PLSCR4: variants seen among roughly 807,000 people sequenced by gnomAD.
PLSCR4 encodes phospholipid scramblase 4, also known as Ca(2+)-dependent phospholipid scramblase 4.
Under a neutral mutation model 36.3 loss-of-function variants are expected in PLSCR4, and 25 were observed. That is an observed-to-expected ratio of 0.69 (90% CI 0.50 to 0.96). The LOEUF (loss-of-function observed/expected upper bound fraction) is 0.96. Among genes scored for constraint, PLSCR4 ranks in the 40% least tolerant of loss-of-function variants. PLSCR4 has a pLI of 0.00. For missense variants in PLSCR4, 408 were observed against 414.7 expected, an observed-to-expected ratio of 0.98 and a Z score of 0.14; for synonymous variants, 122 against 132.9, an observed-to-expected ratio of 0.92 and a Z score of 0.56.
At chr3:146,199,355 A>G (rs1453020096) in intron 6 of PLSCR4, among the ~76,000 whole-genome samples, 1 of 152,160 alleles carries the variant, frequency 6.6e-6, no homozygotes, top group Non-Finnish European at 1.5e-5. Context: ...AGCCAAATGT[A>G]ACACCTCAGC....
chr3:146,220,308 G>A (rs1255459652), intron 3 of PLSCR4, among the ~76,000 whole-genome samples: 1 of 152,116 alleles, frequency 6.6e-6, no homozygotes, highest in East Asian at 1.9e-4. Flanking sequence ...AGAAAGATAA[G>A]CTCCTTAATC....
At position 146,232,223 on chromosome 3, in the gene PLSCR4, A is replaced by G. The variant is rs145056659; in HGVS notation, c.-21-10131T>C. Among the ~76,000 whole-genome samples, 1,124 of 152,254 alleles carry G rather than the reference A, an allele frequency of 7.4e-3. 18 individuals are homozygous for G. The highest frequency in any genetic ancestry group is 0.026 in the African/African-American group (1,062 of 41,566). The stretch of plus-strand genomic sequence containing the variant: ...ATATGTCTGTTTTTGTACTAGAACC[A>G]TGTTGTTTTAGTTACTGTGGCTTTA... On this transcript the variant is annotated intron_variant, in intron 1 of 8. Transcript: ENST00000354952.
chr3:146,228,433 T>A (rs913221498), intron 1 of PLSCR4, among the ~76,000 whole-genome samples: 7 of 151,986 alleles, frequency 4.6e-5, no homozygotes, highest in Non-Finnish European at 7.4e-5. Flanking sequence ...TGGGATTTCA[T>A]GAGCATTGTT....
At chr3:146,220,758 T>C (rs1288357005) in intron 3 of PLSCR4, 57 bp downstream of exon 3, 29 of 1,079,992 alleles carry the variant, frequency 2.7e-5, no homozygotes, top group Non-Finnish European at 3.9e-5. Context: ...AAAGCAATTT[T>C]AATCATTAGT....
chr3:146,239,519 C>CAA (rs34713180), intron 1 of PLSCR4, among the ~76,000 whole-genome samples: 13 of 110,580 alleles, frequency 1.2e-4, no homozygotes, highest in South Asian at 3.0e-4. Context: ...CATCCACATA[C>CAA]AAAAAAAAAA....
rs568913780 is a variant in PLSCR4, at chr3:146,251,059, G to A, written c.-121C>T. The stretch of plus-strand genomic sequence containing the variant: ...AGGAAAGGAGGCAGGGAAGGGAGAC[G>A]GAGAGGATTTTTCAAGTTATAAACA... On this transcript the variant is annotated 5_prime_UTR_variant, in exon 1 of 9. Transcript: ENST00000354952. The A allele has an allele frequency of 6.5e-6, 1 of 152,716 alleles. No homozygotes were observed. The highest frequency in any genetic ancestry group is 2.4e-5 in the African/African-American group (1 of 41,450). The allele number at this position is 152,716 out of a possible 1,614,324, so 9.5% of individuals were successfully genotyped here.
At chr3:146,239,652 G>A (rs2036065079) in intron 1 of PLSCR4, among the ~76,000 whole-genome samples, 1 of 152,164 alleles carries the variant, frequency 6.6e-6, no homozygotes, top group Admixed American at 6.5e-5. Flanking sequence ...GGGAGGCCAA[G>A]GCAGGAGAAT....
intron 2 of PLSCR4, 101 bp from the exon 3 acceptor site, chr3:146,221,026 A>G (rs1484071437): frequency 1.6e-6 from 1 of 642,982 alleles, no homozygotes; most frequent in African/African-American, 1.8e-5. Flanking sequence ...AAGAAATATA[A>G]TCAACTGGAA....
rs187092388 is a variant in PLSCR4 at position 146,209,053 on chromosome 3, T to A, written c.119-2292A>T. ...ATAAAGAAAAATGTGGGATTACATA[T>A]ATATATGATGGAATACTACTCAGCC... is the stretch of plus-strand genomic sequence containing the variant. On this transcript the variant is annotated intron_variant, in intron 3 of 8. Coordinates refer to ENST00000354952, the MANE Select transcript of PLSCR4 (RefSeq NM_020353.3). 1.2e-3 allele frequency among the ~76,000 whole-genome samples: 187 copies of A among 152,150 alleles called. 2 individuals carry two copies. The highest frequency in any genetic ancestry group is 4.1e-4 in the Non-Finnish European group (28 of 67,974).
rs1459787047 is a variant in PLSCR4 at position 146,212,181 on chromosome 3, T to C, written c.119-5420A>G. Among the ~76,000 whole-genome samples, 5 of 152,136 alleles carry C rather than the reference T, an allele frequency of 3.3e-5. No homozygotes were observed. In the East Asian group the frequency reaches 9.6e-4, roughly 29 times the overall value. ...TCTGTAAAATGCCTTTCCACTTACG[T>C]AGTCTTCTTTAATTTCTTTCAACGT... On this transcript the variant is annotated intron_variant, in intron 3 of 8. Transcript: ENST00000354952.
chr3:146,193,093 G>GT lies in PLSCR4; in HGVS notation c.*1317dup, dbSNP rs2033492155. On this transcript the variant is annotated 3_prime_UTR_variant, in exon 9 of 9. Coordinates refer to ENST00000354952, the MANE Select transcript of PLSCR4 (RefSeq NM_020353.3). ...GTCCATATGCAGGTAGAAAACTAAA[G>GT]TGCAACAGAAGCAAGTTAATTAGAG... The GT allele has an allele frequency of 6.6e-6, 1 of 151,858 alleles. No individual in the cohort carries two copies. The highest frequency in any genetic ancestry group is 1.5e-5 in the Non-Finnish European group (1 of 67,940). 9.4% of individuals were successfully genotyped at this position (151,858 alleles called of 1,614,324 possible).
chr3:146,201,122 C>A, intron 4 of PLSCR4, 45 bp from the exon 5 acceptor site: 2 of 1,152,892 alleles, frequency 1.7e-6, no homozygotes, highest in Non-Finnish European at 2.4e-6. Context: ...AATAACAGAA[C>A]TAAAATACCA....
chr3:146,219,125 T>C (rs1471307553), intron 3 of PLSCR4, among the ~76,000 whole-genome samples: 1 of 152,228 alleles, frequency 6.6e-6, no homozygotes, highest in African/African-American at 2.4e-5. Context: ...CTATATTTTA[T>C]AACTGAAAAT....
At chr3:146,238,278 C>G (rs2036000520) in intron 1 of PLSCR4, among the ~76,000 whole-genome samples, 1 of 151,230 alleles carries the variant, frequency 6.6e-6, no homozygotes, top group Non-Finnish European at 1.5e-5. Context: ...GAATATCAAC[C>G]CTTCGCAAAC....
Position 146,199,932 on chromosome 3 carries a change from G to C in PLSCR4, c.505C>G (p.Arg169Gly), listed in dbSNP as rs772667172. ...DTDDFTRNAY[R>G]TLRPFVLRVT... is the part of the protein sequence containing the mutation. ...CGGAGGACGAAGGGCCTTAGTGTCC[G>C]ATAGGCATTCCTGGTAAAGTCATCT... Residue 169 changes from arginine (R) to glycine (G), a missense_variant, in exon 6 of 9, where the codon CGG (arginine) becomes GGG (glycine). Coordinates refer to ENST00000354952, the MANE Select transcript of PLSCR4 (RefSeq NM_020353.3). 6.2e-7 allele frequency: 1 copy of C among 1,613,232 alleles called. No individual in the cohort carries two copies. Among genetic ancestry groups the C allele is most frequent in the Non-Finnish European group, 8.5e-7 (1 of 1,179,548 alleles).
intron 3 of PLSCR4, among the ~76,000 whole-genome samples, chr3:146,213,454 C>A (rs2034729053): frequency 1.3e-5 from 2 of 151,088 alleles, no homozygotes; most frequent in East Asian, 3.9e-4. Flanking sequence ...GTCTCAGTGT[C>A]CCAAGTAGCT....
At chr3:146,198,213 G>C (rs1043839341) in intron 6 of PLSCR4, among the ~76,000 whole-genome samples, 1 of 152,064 alleles carries the variant, frequency 6.6e-6, no homozygotes, top group East Asian at 1.9e-4. Context: ...TAATAAAAGA[G>C]GACTTTGGTG....
chr3:146,221,101 T>C (rs2035120506), intron 2 of PLSCR4, among the ~76,000 whole-genome samples, 176 bp from the exon 3 acceptor site: 1 of 152,224 alleles, frequency 6.6e-6, no homozygotes, highest in Non-Finnish European at 1.5e-5. Flanking sequence ...ATAAATTTCA[T>C]GAATTTTCAA....
intron 2 of PLSCR4, among the ~76,000 whole-genome samples, chr3:146,221,131 A>C (rs1459915530): frequency 1.3e-5 from 2 of 152,236 alleles, no homozygotes; most frequent in African/African-American, 4.8e-5. Flanking sequence ...AGATTTAAAA[A>C]TAGAACTAAA....
Sources: gnomAD v4.1 joint callset for allele counts (sites outside exome capture counted in the v4.1 genomes callset) on GRCh38, gnomAD v4.1.1 for gene constraint, MANE v1.5 for transcripts, NCBI Gene and HGNC (gene_info 2026-07-23, HGNC 2026-07-21) for gene names.